Variants in ODAD2 observed in about 807,000 individuals in gnomAD.
The protein encoded by ODAD2 is outer dynein arm-docking complex subunit 2.
Under a neutral mutation model 106.8 loss-of-function variants are expected in ODAD2, and 89 were observed. The observed-to-expected ratio is 0.83, with a 90% CI of 0.70 to 0.99. The LOEUF (loss-of-function observed/expected upper bound fraction) is 0.99, where lower values mean the gene tolerates loss of function less well. Among genes scored for constraint, ODAD2 ranks in the 50% least tolerant of loss-of-function variants. The pLI is 0.00. For missense variants in ODAD2, 1,168 were observed against 1,238.5 expected (o/e 0.94, Z 0.85); for synonymous variants, 404 against 436.2 (o/e 0.93, Z 0.92).
intron 6 of ODAD2, 176 bp from the exon 7 acceptor site, chr10:27,981,758 T>C: frequency 2.1e-6 from 1 of 468,224 alleles, no homozygotes; most frequent in East Asian, 3.9e-5. Flanking sequence ...ATGTTATCTA[T>C]TTTTCCATTC....
At chr10:27,824,625 A>G (rs1836896034) in intron 19 of ODAD2, among the ~76,000 whole-genome samples, 1 of 152,252 alleles carries the variant, frequency 6.6e-6, no homozygotes, top group Non-Finnish European at 1.5e-5. Context: ...AAAGACATGA[A>G]TTAAATTATC....
intron 16 of ODAD2, among the ~76,000 whole-genome samples, chr10:27,911,908 T>C (rs1340778628): frequency 6.6e-6 from 1 of 152,214 alleles, no homozygotes; most frequent in Non-Finnish European, 1.5e-5. Flanking sequence ...GAAATGGATC[T>C]GAAACAAGAC....
chr10:27,874,827 T>C (rs1164939985), intron 17 of ODAD2, among the ~76,000 whole-genome samples: 2 of 152,306 alleles, frequency 1.3e-5, no homozygotes, highest in East Asian at 1.9e-4. Context: ...CTGACAATTA[T>C]GTGTCTTGGA....
intron 17 of ODAD2, among the ~76,000 whole-genome samples, chr10:27,862,840 TA>T (rs1564440300): frequency 1.3e-5 from 2 of 151,874 alleles, no homozygotes; most frequent in East Asian, 3.8e-4. Context: ...GTAGCACATA[TA>T]AAAATTCAGT....
intron 3 of ODAD2, among the ~76,000 whole-genome samples, chr10:27,985,872 A>G (rs1849845768): frequency 6.6e-6 from 1 of 151,898 alleles, no homozygotes; most frequent in African/African-American, 2.4e-5. Flanking sequence ...TGAAAGTTGA[A>G]CCTAGAGATG....
chr10:27,862,141 T>C (rs118095999), intron 18 of ODAD2, among the ~76,000 whole-genome samples: 3 of 152,204 alleles, frequency 2.0e-5, no homozygotes, highest in Admixed American at 6.5e-5. Context: ...GTGAAGATGA[T>C]AGTTAACACT....
chr10:27,850,176 G>A (rs569119907), intron 19 of ODAD2, among the ~76,000 whole-genome samples: 5 of 152,274 alleles, frequency 3.3e-5, no homozygotes, highest in East Asian at 3.9e-4. Context: ...TGGGCGTGGC[G>A]GCTCACACCT....
chr10:27,883,103 A>G (rs1310932776), intron 17 of ODAD2, among the ~76,000 whole-genome samples: 1 of 151,918 alleles, frequency 6.6e-6, no homozygotes, highest in East Asian at 1.9e-4. Flanking sequence ...ATGCTCAGAA[A>G]AGATCTCAGA....
intron 19 of ODAD2, among the ~76,000 whole-genome samples, chr10:27,834,173 T>A (rs990780082): frequency 5.9e-5 from 9 of 152,220 alleles, no homozygotes; most frequent in African/African-American, 2.2e-4. Context: ...CAGGATAAAC[T>A]GTTTTAACCT....
At chr10:27,851,315 T>C (rs1399290852) in intron 19 of ODAD2, among the ~76,000 whole-genome samples, 2 of 152,090 alleles carry the variant, frequency 1.3e-5, no homozygotes, top group African/African-American at 2.4e-5. Flanking sequence ...TGTTTCAAAA[T>C]AGCAATCTGA....
intron 17 of ODAD2, among the ~76,000 whole-genome samples, chr10:27,870,078 G>C (rs1028892582): frequency 1.3e-5 from 2 of 152,014 alleles, no homozygotes; most frequent in African/African-American, 4.8e-5. Context: ...TTCTTCACTT[G>C]AGAATGAATG....
At chr10:27,936,921 A>G (rs1446868530) in intron 14 of ODAD2, 41 bp from the exon 15 acceptor site, 1 of 1,555,798 alleles carries the variant, frequency 6.4e-7, no homozygotes, top group East Asian at 2.3e-5. Context: ...TCATCAAGGA[A>G]TATCAAGCTT....
At chr10:27,982,755 C>G (rs2133112273) in intron 6 of ODAD2, among the ~76,000 whole-genome samples, 1 of 152,222 alleles carries the variant, frequency 6.6e-6, no homozygotes, top group African/African-American at 2.4e-5. Context: ...TTCTGAGTTC[C>G]AAATTTATGT....
intron 16 of ODAD2, 56 bp from the exon 17 acceptor site, chr10:27,907,833 ATTTTAATGACCCACTTATTTAATTATT>A: frequency 2.6e-6 from 3 of 1,157,654 alleles, no homozygotes; most frequent in Non-Finnish European, 2.6e-6. Context: ...GAAGACAAAC[ATTTTAATGACCCACTTATTTAATTATT>A]TTTTCTCCTT....
rs113308002 is a variant in ODAD2 at position 27,848,602 on chromosome 10, T to G, written c.3021+12023A>C. 1.4e-3 allele frequency among the ~76,000 whole-genome samples: 214 copies of G among 152,236 alleles called. 2 individuals are homozygous for G. The highest frequency in any genetic ancestry group is 4.9e-3 in the African/African-American group (204 of 41,540). On this transcript the variant is annotated intron_variant, in intron 19 of 19. Transcript: ENST00000305242. ...AGAGCTCCTGCACAGCAAAAGAAAC[T>G]ACCATCAGAGCAAACAGGCAACCTA...
chr10:27,940,855 T>C (rs1235986604), intron 12 of ODAD2, 50 bp from the exon 13 acceptor site: 2 of 1,575,062 alleles, frequency 1.3e-6, no homozygotes, highest in Non-Finnish European at 1.7e-6. Flanking sequence ...AAAAGAACAT[T>C]TAAGGCATTC....
intron 17 of ODAD2, chr10:27,904,958 A>C (rs880706): frequency 0.66 from 100,888 of 152,120 alleles, 33,792 homozygotes; most frequent in Middle Eastern, 0.74. Flanking sequence ...GTCCTTTAAC[A>C]TAAATATTGT....
intron 12 of ODAD2, among the ~76,000 whole-genome samples, chr10:27,941,490 C>T (rs542570314): frequency 9.8e-6 from 1 of 102,138 alleles, no homozygotes; most frequent in Non-Finnish European, 2.1e-5. Context: ...GCCCCCCGAA[C>T]CAAAAAAAAG....
Position 27,983,955 on chromosome 10 carries a change from C to T in ODAD2, c.707G>A (p.Arg236Gln), listed in dbSNP as rs763616785. 1.4e-5 allele frequency: 23 copies of T among 1,608,062 alleles called. No individual in the cohort carries two copies. Among genetic ancestry groups the T allele is most frequent in the East Asian group, 4.5e-5 (2 of 44,874 alleles). Reference sequence around the variant, plus strand: ...ACGAATTTGTCTCCACGGTGGGGCTCGACATCCATTTGAAAATTCATAATC... The same window carrying T: ...ACGAATTTGTCTCCACGGTGGGGCTTGACATCCATTTGAAAATTCATAATC... ...TSDYEFSNGCRAPPWRQIRGE... is the reference protein window; with the variant it reads ...TSDYEFSNGCQAPPWRQIRGE... The change falls in exon 6 of 20, where the codon CGA (arginine) becomes CAA (glutamine). Residue 236 changes from arginine to glutamine, a missense_variant. Around this residue, in one of 3 missense-constraint regions of ODAD2, gnomAD observed 430 missense variants for 452.2 expected, o/e 0.95. Coordinates refer to ENST00000305242, the MANE Select transcript of ODAD2 (RefSeq NM_018076.5).
Sources: allele counts gnomAD v4.1 joint callset (sites outside exome capture counted in the v4.1 genomes callset), GRCh38; gene constraint gnomAD v4.1.1; regional missense constraint gnomAD v4.1.1; transcripts MANE v1.5; gene names NCBI Gene and HGNC (gene_info 2026-07-23, HGNC 2026-07-21).